TCF12: variants seen among roughly 807,000 people sequenced by gnomAD.
TCF12 encodes the protein transcription factor 12, also known as DNA-binding protein HTF4.
In TCF12, 45 loss-of-function variants were observed where a neutral mutation model predicts 86.0. That is an observed-to-expected ratio of 0.52 (90% CI 0.41 to 0.67). TCF12 has a LOEUF of 0.67. TCF12 is among the 30% of genes least tolerant of loss of function. TCF12 has a pLI of 0.00. For synonymous variants in TCF12, 330 were observed against 299.6 expected, an observed-to-expected ratio of 1.10 and a Z score of -1.05; for missense variants, 881 against 859.9, an observed-to-expected ratio of 1.02 and a Z score of -0.31.
At chr15:56,989,660 T>C (rs2140952488) in intron 3 of TCF12, among the ~76,000 whole-genome samples, 1 of 152,360 alleles carries the variant, frequency 6.6e-6, no homozygotes, top group Non-Finnish European at 1.5e-5. Context: ...CTTATTGCTG[T>C]AGGAATCAGT....
At chr15:57,069,932 A>G (rs546689691) in intron 4 of TCF12, among the ~76,000 whole-genome samples, 2 of 152,208 alleles carry the variant, frequency 1.3e-5, no homozygotes, top group Non-Finnish European at 2.9e-5. Flanking sequence ...GAGCATTAAA[A>G]TCAAGCTGTC....
chr15:56,995,230 G>GTTTTTTTTT (rs1440501811), intron 3 of TCF12, among the ~76,000 whole-genome samples: 1 of 13,730 alleles, frequency 7.3e-5, no homozygotes, highest in Non-Finnish European at 1.9e-4. Context: ...GATACCTGCA[G>GTTTTTTTTT]CTTTTTTTTT....
At chr15:56,942,738 T>A (rs1337426003) in intron 3 of TCF12, among the ~76,000 whole-genome samples, 1 of 152,222 alleles carries the variant, frequency 6.6e-6, no homozygotes, top group Non-Finnish European at 1.5e-5. Context: ...TTCAGTTTTT[T>A]AAAATTAAAG....
intron 6 of TCF12, among the ~76,000 whole-genome samples, chr15:57,180,570 G>T (rs2056265270): frequency 6.6e-6 from 1 of 151,732 alleles, no homozygotes; most frequent in African/African-American, 2.4e-5. Flanking sequence ...TAAATCTTTT[G>T]AACAGCTGCT....
intron 8 of TCF12, among the ~76,000 whole-genome samples, chr15:57,206,219 G>A (rs899717149): frequency 1.3e-5 from 2 of 152,138 alleles, no homozygotes; most frequent in African/African-American, 4.8e-5. Flanking sequence ...ACAAGGTAAT[G>A]AGGCCAGGCG....
At chr15:56,966,799 G>T (rs1291603660) in intron 3 of TCF12, among the ~76,000 whole-genome samples, 2 of 152,092 alleles carry the variant, frequency 1.3e-5, no homozygotes, top group East Asian at 3.9e-4. Flanking sequence ...AAGGTATCAA[G>T]AACTTATTGA....
At position 57,282,477 on chromosome 15, in the gene TCF12, A is replaced by C; in HGVS notation, c.2011A>C (p.Lys671Gln). The C allele has an allele frequency of 6.2e-7, 1 of 1,614,238 alleles. No homozygotes were observed. The highest frequency in any genetic ancestry group is 8.5e-7 in the Non-Finnish European group (1 of 1,180,048). Reference sequence around the variant, plus strand: ...CCTTAACCCCAAAGCAGCCTGCCTTAAGAGAAGGGAAGAAGAAAAAGTTTC... The same window carrying C: ...CCTTAACCCCAAAGCAGCCTGCCTTCAGAGAAGGGAAGAAGAAAAAGTTTC... ...RNLNPKAACL[K>Q]RREEEKVSAV... Residue 671 changes from lysine to glutamine, a missense_variant, in exon 20 of 21, where the codon AAG (lysine) becomes CAG (glutamine). This residue lies in a region of TCF12 where 69 missense variants were observed against 64.2 expected (regional missense o/e 1.07). Coordinates refer to ENST00000333725, the MANE Select transcript of TCF12 (RefSeq NM_207037.2).
At chr15:57,219,430 A>G (rs925375038) in intron 8 of TCF12, 4 of 1,505,810 alleles carry the variant, frequency 2.7e-6, no homozygotes, top group Non-Finnish European at 3.6e-6. Flanking sequence ...AATGCATAGT[A>G]CTGAAGACTT....
At chr15:57,017,748 G>A (rs1243470374) in intron 3 of TCF12, among the ~76,000 whole-genome samples, 3 of 119,918 alleles carry the variant, frequency 2.5e-5, no homozygotes, top group Non-Finnish European at 3.6e-5. Context: ...TTTTTTGCCT[G>A]AACATTGCCT....
At chr15:57,203,299 T>G (rs1175571697) in intron 8 of TCF12, among the ~76,000 whole-genome samples, 3 of 152,214 alleles carry the variant, frequency 2.0e-5, no homozygotes, top group African/African-American at 7.2e-5. Flanking sequence ...AACATCTTTA[T>G]GGCCCTCTGA....
At chr15:57,235,103 A>G (rs1392501418) in intron 12 of TCF12, among the ~76,000 whole-genome samples, 1 of 152,178 alleles carries the variant, frequency 6.6e-6, no homozygotes, top group African/African-American at 2.4e-5. Context: ...GCCAAGTCAG[A>G]CTCATTTACT....
At chr15:56,943,974 A>G (rs1213768211) in intron 3 of TCF12, among the ~76,000 whole-genome samples, 1 of 152,150 alleles carries the variant, frequency 6.6e-6, no homozygotes, top group East Asian at 1.9e-4. Context: ...TTAGGCAGCC[A>G]GTCTGGCTGC....
At chr15:56,971,777 G>A (rs2062342184) in intron 3 of TCF12, among the ~76,000 whole-genome samples, 1 of 152,166 alleles carries the variant, frequency 6.6e-6, no homozygotes, top group South Asian at 2.1e-4. Context: ...CTTATCTGTA[G>A]TTTCACTTTC....
At chr15:57,118,719 T>C (rs1353122096) in intron 5 of TCF12, among the ~76,000 whole-genome samples, 2 of 152,216 alleles carry the variant, frequency 1.3e-5, no homozygotes, top group African/African-American at 4.8e-5. Context: ...TTATGTCTAA[T>C]GTGATTTTCT....
chr15:57,022,417 T>C (rs1342113882), intron 3 of TCF12, among the ~76,000 whole-genome samples: 8 of 152,232 alleles, frequency 5.3e-5, no homozygotes, highest in Non-Finnish European at 4.4e-5. Flanking sequence ...TATGGCTGCG[T>C]AGTATTCCAT....
chr15:56,932,376 C>G (rs1434831529), intron 3 of TCF12, among the ~76,000 whole-genome samples: 1 of 152,180 alleles, frequency 6.6e-6, no homozygotes, highest in Admixed American at 6.5e-5. Flanking sequence ...TGTAGTTGCA[C>G]CTGCACTGAT....
intron 5 of TCF12, among the ~76,000 whole-genome samples, chr15:57,110,624 T>C (rs551746263): frequency 3.9e-5 from 6 of 152,332 alleles, no homozygotes; most frequent in African/African-American, 1.4e-4. Context: ...AGAGTAGTAA[T>C]GAAGGCTGCT....
intron 5 of TCF12, among the ~76,000 whole-genome samples, chr15:57,096,176 A>G (rs2049309141): frequency 6.6e-6 from 1 of 152,192 alleles, no homozygotes; most frequent in South Asian, 2.1e-4. Context: ...CCACAGTGAA[A>G]TAACTTTGGA....
chr15:57,033,155 T>C (rs1190223039), intron 3 of TCF12, among the ~76,000 whole-genome samples: 5 of 152,148 alleles, frequency 3.3e-5, no homozygotes, highest in African/African-American at 7.2e-5. Flanking sequence ...AAAAAAACTT[T>C]AGAGCTTCAG....
Sources: gnomAD v4.1 joint callset for allele counts (sites outside exome capture counted in the v4.1 genomes callset) on GRCh38, gnomAD v4.1.1 for gene constraint, gnomAD v4.1.1 regional missense constraint, MANE v1.5 for transcripts, NCBI Gene and HGNC (gene_info 2026-07-23, HGNC 2026-07-21) for gene names.